Variants in HERC3 observed in about 807,000 individuals in gnomAD.
HERC3 encodes the protein HECT and RLD domain containing E3 ubiquitin protein ligase 3.
Under a neutral mutation model 129.9 loss-of-function variants are expected in HERC3, and 58 were observed. The observed-to-expected ratio is 0.45, with a 90% CI of 0.36 to 0.56. The LOEUF is 0.56. Among genes scored for constraint, HERC3 ranks in the 20% least tolerant of loss-of-function variants. The pLI is 0.00. For missense variants in HERC3, 835 were observed against 1,244.2 expected, an observed-to-expected ratio of 0.67 and a Z score of 4.95; for synonymous variants, 430 against 451.0, an observed-to-expected ratio of 0.95 and a Z score of 0.59.
rs61755664 is a variant in HERC3, at chr4:88,680,175, A to G, written c.2279A>G (p.Asn760Ser). The stretch of plus-strand genomic sequence containing the variant: ...CTTTTGCTGTTAAAAGAACTTTTGA[A>G]TCCCATCTATGGAATGTTTACCTAC... ...FFLLLLKELL[N>S]PIYGMFTYYQ... Residue 760 changes from asparagine to serine, a missense_variant, in exon 20 of 26, where the codon AAT becomes AGT. Asn to Ser is a conservative substitution (Grantham distance 46). Transcript: ENST00000402738. 1.2e-6 allele frequency: 2 copies of G among 1,613,156 alleles called. No individual in the cohort carries two copies. The highest frequency in any genetic ancestry group is 1.7e-6 in the Non-Finnish European group (2 of 1,179,560).
At chr4:88,560,104 C>T in the HERC3 span, among the ~76,000 whole-genome samples, 16 of 152,040 alleles carry the variant, frequency 1.1e-4, no homozygotes, top group South Asian at 2.9e-3. Context: ...GGACTATAGG[C>T]GCACACCACC....
the HERC3 span, among the ~76,000 whole-genome samples, chr4:88,576,277 G>A: frequency 7.2e-5 from 11 of 152,054 alleles, no homozygotes; most frequent in Admixed American, 3.9e-4. Context: ...CACCCTTGCC[G>A]TCTTTCCAGG....
the HERC3 span, among the ~76,000 whole-genome samples, chr4:88,554,746 G>T: frequency 6.6e-6 from 1 of 152,200 alleles, no homozygotes; most frequent in Non-Finnish European, 1.5e-5. Flanking sequence ...ATAAGGCCTA[G>T]CTCCATGGGT....
At chr4:88,669,594 T>A (rs1731401613) in intron 14 of HERC3, among the ~76,000 whole-genome samples, 1 of 152,202 alleles carries the variant, frequency 6.6e-6, no homozygotes, top group African/African-American at 2.4e-5. Context: ...ACATGTAGTC[T>A]GGAATTGGAC....
At chr4:88,647,450 A>G (rs916776737) in intron 3 of HERC3, among the ~76,000 whole-genome samples, 1 of 152,166 alleles carries the variant, frequency 6.6e-6, no homozygotes, top group Admixed American at 6.5e-5. Context: ...AAGTCCTGGA[A>G]TTGGTACAAG....
chr4:88,610,032 G>T (rs2149201221), intron 3 of HERC3, among the ~76,000 whole-genome samples: 1 of 152,308 alleles, frequency 6.6e-6, no homozygotes, highest in East Asian at 1.9e-4. Flanking sequence ...AGGACAACCA[G>T]AGCTCACTCT....
chr4:88,536,779 A>G, the HERC3 span, among the ~76,000 whole-genome samples: 1 of 151,874 alleles, frequency 6.6e-6, no homozygotes, highest in Non-Finnish European at 1.5e-5. Context: ...TTTTCAATTT[A>G]GAGAAATTCA....
chr4:88,540,647 G>A, the HERC3 span, among the ~76,000 whole-genome samples: 1 of 152,222 alleles, frequency 6.6e-6, no homozygotes, highest in Non-Finnish European at 1.5e-5. Flanking sequence ...ATAATTGTCA[G>A]ATTCACCAAG....
chr4:88,672,884 C>CAG (rs35294639), intron 16 of HERC3, among the ~76,000 whole-genome samples: 56,639 of 152,004 alleles, frequency 0.37, 12,486 homozygotes, highest in African/African-American at 0.6. Flanking sequence ...CTGCTAGTCA[C>CAG]AGTGGAAACA....
Position 88,607,913 on chromosome 4 carries a change from A to G in HERC3, c.226+1864A>G, listed in dbSNP as rs1291265137. On this transcript the variant is annotated intron_variant, in intron 3 of 25. Coordinates refer to ENST00000402738, the MANE Select transcript of HERC3 (RefSeq NM_014606.3). ...GTAGGGTCTTAAATTGTGACCACAT[A>G]TTTGTCACACTAGCATAGGTGTTTG... is the stretch of plus-strand genomic sequence containing the variant. Among the ~76,000 whole-genome samples the G allele has an allele frequency of 1.3e-5, 2 of 152,154 alleles. 1 individual carries two copies. Among genetic ancestry groups the G allele is most frequent in the Admixed American group, 1.3e-4 (2 of 15,272 alleles).
the HERC3 span, among the ~76,000 whole-genome samples, chr4:88,585,804 TG>T: frequency 6.6e-6 from 1 of 152,068 alleles, no homozygotes; most frequent in Non-Finnish European, 1.5e-5. Context: ...AATGTTTAGA[TG>T]TGTACACATT....
chr4:88,681,220 A>G lies in HERC3; in HGVS notation c.2402A>G (p.Asn801Ser), dbSNP rs202202318. The stretch of plus-strand genomic sequence containing the variant: ...ATAACCTGTGGACTAGCTATCTACA[A>G]CTCCACTGTGGTCGATCTCCACTTC... ...IGITCGLAIY[N>S]STVVDLHFPL... The change falls in exon 21 of 26, where the codon AAC becomes AGC. Residue 801 changes from asparagine (N) to serine (S), a missense_variant. Physicochemically the swap from Asn to Ser is conservative, Grantham distance 46. Coordinates refer to ENST00000402738, the MANE Select transcript of HERC3 (RefSeq NM_014606.3). 1.2e-6 allele frequency: 2 copies of G among 1,613,900 alleles called. No individual in the cohort carries two copies. Among genetic ancestry groups the G allele is most frequent in the South Asian group, 1.1e-5 (1 of 91,066 alleles).
At chr4:88,663,236 C>T (rs934974404) in intron 11 of HERC3, among the ~76,000 whole-genome samples, 1 of 152,108 alleles carries the variant, frequency 6.6e-6, no homozygotes, top group African/African-American at 2.4e-5. Flanking sequence ...GGCCAAATGA[C>T]CAGGACGCTA....
chr4:88,598,456 T>C (rs928764961), intron 2 of HERC3, among the ~76,000 whole-genome samples: 5 of 152,244 alleles, frequency 3.3e-5, no homozygotes, highest in African/African-American at 1.2e-4. Context: ...AGTGCAGATT[T>C]GGCAGAATGC....
At chr4:88,569,771 C>T in the HERC3 span, among the ~76,000 whole-genome samples, 9 of 152,290 alleles carry the variant, frequency 5.9e-5, no homozygotes, top group East Asian at 3.9e-4. Flanking sequence ...GGAGGATTTC[C>T]GTGTATGCAA....
intron 25 of HERC3, 27 bp downstream of exon 25, chr4:88,704,637 A>G (rs1469091801): frequency 1.5e-6 from 2 of 1,355,400 alleles, no homozygotes; most frequent in Admixed American, 3.4e-5. Flanking sequence ...TCAATATGGT[A>G]TTTGTCTACA....
At chr4:88,675,302 C>G (rs1033118980) in intron 16 of HERC3, among the ~76,000 whole-genome samples, 3 of 152,210 alleles carry the variant, frequency 2.0e-5, no homozygotes, top group Admixed American at 2.0e-4. Flanking sequence ...AAGACTGCTT[C>G]TCTCTTTTCT....
chr4:88,580,423 G>A, the HERC3 span, among the ~76,000 whole-genome samples: 1 of 152,080 alleles, frequency 6.6e-6, no homozygotes, highest in East Asian at 1.9e-4. Context: ...CTACTCAGGA[G>A]GCTGAGGCAG....
At chr4:88,693,154 A>G in intron 23 of HERC3, 1 of 985,168 alleles carries the variant, frequency 1.0e-6, no homozygotes, top group Non-Finnish European at 1.2e-6. Flanking sequence ...ACTGTTGAAT[A>G]TTTGGCTTGT....
Sources: allele counts gnomAD v4.1 joint callset (sites outside exome capture counted in the v4.1 genomes callset), GRCh38; gene constraint gnomAD v4.1.1; transcripts MANE v1.5; gene names NCBI Gene and HGNC (gene_info 2026-07-23, HGNC 2026-07-21).